The following STK17A variants were observed in gnomAD, a reference collection of about 807,000 sequenced individuals.
STK17A encodes the protein serine/threonine-protein kinase 17A.
STK17A carries 26 observed loss-of-function variants against 43.7 expected under a neutral mutation model. The observed-to-expected ratio is 0.60, with a 90% CI of 0.44 to 0.83. STK17A has a LOEUF of 0.83. STK17A is among the 40% of genes least tolerant of loss of function. The probability of loss-of-function intolerance (pLI) is 0.00; values close to 1 mark genes in which losing one functional copy is unlikely to be tolerated. For missense variants in STK17A, 476 were observed against 511.6 expected (o/e 0.93, Z 0.67); for synonymous variants, 191 against 182.5 (o/e 1.05, Z -0.38).
At chr7:43,610,190 C>CA (rs1290310526) in intron 3 of STK17A, among the ~76,000 whole-genome samples, 4 of 151,250 alleles carry the variant, frequency 2.6e-5, no homozygotes, top group African/African-American at 2.4e-5. Context: ...AGTAAAAATA[C>CA]AAAAAAATTA....
At position 43,583,151 on chromosome 7, in the gene STK17A, C is replaced by T. The variant is rs2082411075; in HGVS notation, c.-93C>T. On this transcript the variant is annotated 5_prime_UTR_variant, in exon 1 of 7. Coordinates refer to ENST00000319357, the MANE Select transcript of STK17A (RefSeq NM_004760.3). ...TGGGGAGAGCGGGTGTTTGAAGGCT[C>T]CGCGGACCGGCACTAGGAGCCGGGG... is the stretch of plus-strand genomic sequence containing the variant. 1.4e-6 allele frequency: 2 copies of T among 1,394,110 alleles called. No homozygotes were observed. Among genetic ancestry groups the T allele is most frequent in the Non-Finnish European group, 1.9e-6 (2 of 1,031,114 alleles). The allele number at this position is 1,394,110 out of a possible 1,614,324, so 86.4% of individuals were successfully genotyped here. A position where few individuals can be genotyped will look rare whatever the true frequency, so the allele number is the denominator to read the frequency against.
chr7:43,583,524 C>CGTGGGCGCCGATAAGTGCCGGG (rs2082416345), intron 1 of STK17A, 75 bp downstream of exon 1: 1 of 1,182,458 alleles, frequency 8.5e-7, no homozygotes, highest in African/African-American at 1.6e-5. Context: ...TAAGTGCCGG[C>CGTGGGCGCCGATAAGTGCCGGG]GCCGCGGCGG....
chr7:43,583,327 C>T lies in STK17A; in HGVS notation c.84C>T (p.Ser28=). The change falls in exon 1 of 7, where the codon AGC becomes AGT. Residue 28 remains serine (S), a synonymous_variant. Transcript: ENST00000319357. Reference sequence around the variant, plus strand: ...CGGGCCGGGCAGGCCGGGGTCTGAGCGGGCCGTGCCGGCCGCCGCCGCCGC... The same window carrying T: ...CGGGCCGGGCAGGCCGGGGTCTGAGTGGGCCGTGCCGGCCGCCGCCGCCGC... ...SGSGRAGRGL[S]GPCRPPPPPQ... 1 of 1,448,608 alleles carries T rather than the reference C, an allele frequency of 6.9e-7. No individual in the cohort carries two copies. Among genetic ancestry groups the T allele is most frequent in the Non-Finnish European group, 9.1e-7 (1 of 1,099,988 alleles). The allele number at this position is 1,448,608 out of a possible 1,614,324, so 89.7% of individuals were successfully genotyped here. A position where few individuals can be genotyped will look rare whatever the true frequency, so the allele number is the denominator to read the frequency against.
At chr7:43,601,955 A>G (rs935101104) in intron 2 of STK17A, among the ~76,000 whole-genome samples, 8 of 151,442 alleles carry the variant, frequency 5.3e-5, no homozygotes, top group African/African-American at 1.9e-4. Flanking sequence ...CCTACTTCCT[A>G]CCATTCATGA....
chr7:43,615,565 G>C (rs957980404), intron 3 of STK17A, among the ~76,000 whole-genome samples: 3 of 152,136 alleles, frequency 2.0e-5, no homozygotes, highest in African/African-American at 7.2e-5. Flanking sequence ...TGGTACATAG[G>C]TGTTTTTTTC....
chr7:43,589,477 T>G (rs1475204134), intron 1 of STK17A, among the ~76,000 whole-genome samples: 1 of 151,450 alleles, frequency 6.6e-6, no homozygotes, highest in Non-Finnish European at 1.5e-5. Context: ...CTATTATCTC[T>G]TCACCTTTGC....
At chr7:43,614,232 A>T (rs2083141283) in intron 3 of STK17A, among the ~76,000 whole-genome samples, 1 of 152,218 alleles carries the variant, frequency 6.6e-6, no homozygotes, top group Non-Finnish European at 1.5e-5. Flanking sequence ...TACCGAGATA[A>T]ATAAAAGACT....
At chr7:43,616,308 T>C (rs925104705) in intron 3 of STK17A, among the ~76,000 whole-genome samples, 2 of 152,162 alleles carry the variant, frequency 1.3e-5, no homozygotes, top group African/African-American at 4.8e-5. Context: ...TTATAAACTC[T>C]GACAGTAGGG....
rs139022225 is a variant in STK17A at position 43,619,643 on chromosome 7, A to T, written c.611A>T (p.Lys204Met). Residue 204 changes from lysine to methionine, a missense_variant, in exon 4 of 7, where the codon AAG becomes ATG. Coordinates refer to ENST00000319357, the MANE Select transcript of STK17A (RefSeq NM_004760.3). Reference sequence around the variant, plus strand: ...AGTGAATCTCCATTGGGTGACATTAAGATTGTTGATTTTGGCCTTTCAAGA... The same window carrying T: ...AGTGAATCTCCATTGGGTGACATTATGATTGTTGATTTTGGCCTTTCAAGA... Reference protein sequence around the residue: ...LTSESPLGDIKIVDFGLSRIL... With the variant: ...LTSESPLGDIMIVDFGLSRIL... 1.0e-4 allele frequency: 167 copies of T among 1,613,992 alleles called. 1 individual carries two copies. The African/African-American group carries it at 2.0e-3, about 19-fold the overall frequency.
intron 2 of STK17A, among the ~76,000 whole-genome samples, chr7:43,602,996 CT>C (rs2082565623): frequency 6.6e-6 from 1 of 152,092 alleles, no homozygotes; most frequent in Non-Finnish European, 1.5e-5. Context: ...AGCTAGAAAC[CT>C]CGAAGTTATC....
chr7:43,615,932 C>G (rs2083298898), intron 3 of STK17A, among the ~76,000 whole-genome samples: 1 of 152,124 alleles, frequency 6.6e-6, no homozygotes, highest in Non-Finnish European at 1.5e-5. Flanking sequence ...GATAACATGC[C>G]CATGCACACA....
At chr7:43,620,340 A>C (rs545311525) in intron 4 of STK17A, among the ~76,000 whole-genome samples, 1 of 152,314 alleles carries the variant, frequency 6.6e-6, no homozygotes, top group African/African-American at 2.4e-5. Context: ...TATCTGTAGA[A>C]TAAGGCTGTG....
At chr7:43,584,266 T>C (rs1554477370) in intron 1 of STK17A, among the ~76,000 whole-genome samples, 1 of 152,150 alleles carries the variant, frequency 6.6e-6, no homozygotes, top group Non-Finnish European at 1.5e-5. Flanking sequence ...TTGAGAACAG[T>C]TTGAAGAAGT....
chr7:43,604,359 A>G lies in STK17A; in HGVS notation c.420-3897A>G, dbSNP rs189957782. ...GTTAGGGAGTGCTTCCTGGAGGAGG[A>G]GGCATTTCACAGTATATATTAGCCC... On this transcript the variant is annotated intron_variant, in intron 2 of 6. Coordinates refer to ENST00000319357, the MANE Select transcript of STK17A (RefSeq NM_004760.3). Among the ~76,000 whole-genome samples the G allele has an allele frequency of 2.8e-4, 43 of 152,098 alleles. 1 individual carries two copies. The highest frequency in any genetic ancestry group is 3.4e-3 in the Middle Eastern group (1 of 294).
At chr7:43,607,576 G>A (rs914651859) in intron 2 of STK17A, among the ~76,000 whole-genome samples, 4 of 150,334 alleles carry the variant, frequency 2.7e-5, no homozygotes, top group African/African-American at 9.8e-5. Context: ...TTGAACCCAG[G>A]AGGCGGAGGT....
At chr7:43,590,704 T>C (rs758834759) in intron 1 of STK17A, among the ~76,000 whole-genome samples, 1 of 151,566 alleles carries the variant, frequency 6.6e-6, no homozygotes, top group African/African-American at 2.4e-5. Context: ...AAACATCTTA[T>C]GCCCTTTGGA....
rs1418870128 is a variant in STK17A, at chr7:43,627,328, T to G, written c.*2486T>G. ...CTCATTGTTGAATCTCTTAAATTTTTCCAGCTAACCTCAGTTTGGAAGAAA... is the reference window on the plus strand; with the variant it reads ...CTCATTGTTGAATCTCTTAAATTTTGCCAGCTAACCTCAGTTTGGAAGAAA... On this transcript the variant is annotated 3_prime_UTR_variant, in exon 7 of 7. Coordinates refer to ENST00000319357, the MANE Select transcript of STK17A (RefSeq NM_004760.3). 2.0e-5 allele frequency among the ~76,000 whole-genome samples: 3 copies of G among 152,232 alleles called. No individual in the cohort carries two copies. The highest frequency in any genetic ancestry group is 7.2e-5 in the African/African-American group (3 of 41,470).
At chr7:43,603,302 GAT>G (rs1410753970) in intron 2 of STK17A, among the ~76,000 whole-genome samples, 2 of 152,110 alleles carry the variant, frequency 1.3e-5, no homozygotes, top group African/African-American at 4.8e-5. Flanking sequence ...AAGTCTTAGA[GAT>G]ATACTCTGGA....
At chr7:43,604,403 A>G (rs1487647055) in intron 2 of STK17A, among the ~76,000 whole-genome samples, 1 of 152,010 alleles carries the variant, frequency 6.6e-6, no homozygotes, top group East Asian at 1.9e-4. Context: ...CTTACTCTGA[A>G]TTTTTTGAGT....
Sources: allele counts gnomAD v4.1 joint callset (sites outside exome capture counted in the v4.1 genomes callset), GRCh38; gene constraint gnomAD v4.1.1; transcripts MANE v1.5; gene names NCBI Gene and HGNC (gene_info 2026-07-23, HGNC 2026-07-21).